Variants in COLQ observed in about 807,000 individuals in gnomAD.
COLQ encodes the protein collagen like tail subunit of asymmetric acetylcholinesterase, also known as acetylcholinesterase collagenic tail peptide.
A neutral mutation model predicts 69.0 loss-of-function variants in COLQ; 48 were observed. That is an observed-to-expected ratio of 0.70 (90% confidence interval 0.55 to 0.88). The LOEUF (loss-of-function observed/expected upper bound fraction) is 0.88. COLQ is among the 40% of genes least tolerant of loss of function. The pLI is 0.00. For missense variants in COLQ, 618 were observed against 594.6 expected (o/e 1.04, Z -0.41); for synonymous variants, 217 against 211.2 (o/e 1.03, Z -0.24).
intron 12 of COLQ, 106 bp from the exon 13 acceptor site, chr3:15,458,431 G>T: frequency 8.0e-7 from 1 of 1,244,220 alleles, no homozygotes; most frequent in Non-Finnish European, 1.2e-6. Context: ...AAAGTCCACA[G>T]CATTTCAGGG....
chr3:15,470,394 C>T (rs2062260782), intron 11 of COLQ, 142 bp downstream of exon 11: 1 of 776,976 alleles, frequency 1.3e-6, no homozygotes, highest in South Asian at 1.4e-5. Flanking sequence ...GGAAGTGGTG[C>T]TGCTCCCGTC....
chr3:15,467,889 T>C, intron 11 of COLQ: 1 of 456,762 alleles, frequency 2.2e-6, no homozygotes, highest in Admixed American at 2.3e-5. Context: ...GTCTTGGTAA[T>C]GTGCAAGGAG....
chr3:15,462,021 A>G (rs60750813), intron 12 of COLQ, among the ~76,000 whole-genome samples: 65,730 of 150,506 alleles, frequency 0.44, 14,610 homozygotes, highest in East Asian at 0.61. Flanking sequence ...TTATTTATTT[A>G]TTTATTTATT....
At chr3:15,477,363 G>T in intron 5 of COLQ, 166 bp from the exon 6 acceptor site, 1 of 648,110 alleles carries the variant, frequency 1.5e-6, no homozygotes. Context: ...AGCCCTTGGT[G>T]TCACACTGTA....
intron 1 of COLQ, among the ~76,000 whole-genome samples, chr3:15,513,279 G>A (rs182055855): frequency 9.2e-5 from 14 of 152,304 alleles, no homozygotes; most frequent in African/African-American, 2.9e-4. Context: ...CTGTGTAAGG[G>A]CCAGCAGGAC....
chr3:15,450,689 T>C lies in COLQ; in HGVS notation c.*955A>G, dbSNP rs964814628. 7.9e-5 allele frequency: 12 copies of C among 152,494 alleles called. No homozygotes were observed. The highest frequency in any genetic ancestry group is 6.5e-4 in the Admixed American group (10 of 15,270). The allele number at this position is 152,494 out of a possible 1,614,324, so 9.4% of individuals were successfully genotyped here. A position where few individuals can be genotyped will look rare whatever the true frequency, so the allele number is the denominator to read the frequency against. ...AGCAGGAGGCAAAGAGGTAGAGCTC[T>C]GGCCAGGAACGCTCTGCCTAGAGAG... On this transcript the variant is annotated 3_prime_UTR_variant, in exon 17 of 17. Transcript: ENST00000383788.
At chr3:15,489,834 T>C (rs1324689088) in intron 1 of COLQ, among the ~76,000 whole-genome samples, 197 bp from the exon 2 acceptor site, 1 of 152,220 alleles carries the variant, frequency 6.6e-6, no homozygotes, top group Non-Finnish European at 1.5e-5. Flanking sequence ...TAGATTAAGA[T>C]GGTTCATAAA....
intron 5 of COLQ, chr3:15,477,692 C>G (rs1225237771): frequency 1.8e-5 from 3 of 162,632 alleles, no homozygotes; most frequent in African/African-American, 2.4e-5. Flanking sequence ...ATTGGAGCTG[C>G]CCAGTAATTT....
In COLQ at chr3:15,453,907, T is replaced by C. The variant is rs752498913; in HGVS notation, c.1220A>G (p.Asp407Gly). 1 of 1,610,548 alleles carries C rather than the reference T, an allele frequency of 6.2e-7. No homozygotes were observed. Among genetic ancestry groups the C allele is most frequent in the African/African-American group, 1.3e-5 (1 of 74,828 alleles). ...CTCCACACCCTCATGCCGGTGACCA[T>C]CTCCACAGTAGGCACGGTGACAGCC... Reference protein sequence around the residue: ...CIRCHRAYCGDGHRHEGVEDC... With the variant: ...CIRCHRAYCGGGHRHEGVEDC... Residue 407 changes from aspartate (D) to glycine (G), a missense_variant, in exon 16 of 17, where the codon GAT becomes GGT. Transcript: ENST00000383788.
chr3:15,467,924 C>T (rs564235308), intron 11 of COLQ: 37 of 456,718 alleles, frequency 8.1e-5, no homozygotes, highest in South Asian at 2.6e-4. Context: ...ATATGGGATC[C>T]GTGAGGTCAG....
intron 8 of COLQ, 101 bp from the exon 9 acceptor site, chr3:15,474,373 A>T: frequency 1.6e-6 from 2 of 1,213,512 alleles, no homozygotes; most frequent in Admixed American, 3.4e-5. Flanking sequence ...CCCTCATTTT[A>T]CAAGTGAAGA....
rs182865456 is a variant in COLQ at position 15,498,651 on chromosome 3, C to T, written c.107-9014G>A. On this transcript the variant is annotated intron_variant, in intron 1 of 16. Coordinates refer to ENST00000383788, the MANE Select transcript of COLQ (RefSeq NM_005677.4). ...TAGCCGGAGACAGGCTGAGATTCGT[C>T]ACGCCTCTGAGTGCTCCCAGTGCCT... 1,722 of 1,551,046 alleles carry T rather than the reference C, an allele frequency of 1.1e-3. 2 individuals are homozygous for T. Among genetic ancestry groups the T allele is most frequent in the Middle Eastern group, 1.9e-3 (11 of 5,876 alleles).
At chr3:15,471,250 T>A (rs1484016185) in intron 10 of COLQ, among the ~76,000 whole-genome samples, 3 of 152,202 alleles carry the variant, frequency 2.0e-5, no homozygotes, top group Non-Finnish European at 4.4e-5. Context: ...TATGTTCACA[T>A]CTTCAATATA....
intron 16 of COLQ, 47 bp from the exon 17 acceptor site, chr3:15,451,760 G>A: frequency 6.6e-7 from 1 of 1,514,466 alleles, no homozygotes; most frequent in Non-Finnish European, 9.2e-7. Context: ...CTTATATGCT[G>A]GTGACTTCCG....
At chr3:15,465,099 G>A (rs187576243) in intron 12 of COLQ, among the ~76,000 whole-genome samples, 8 of 151,992 alleles carry the variant, frequency 5.3e-5, no homozygotes, top group African/African-American at 1.9e-4. Context: ...ACTTGAACCC[G>A]GGAGGTGGAG....
At chr3:15,511,615 C>T (rs1006809525) in intron 1 of COLQ, among the ~76,000 whole-genome samples, 1 of 152,202 alleles carries the variant, frequency 6.6e-6, no homozygotes, top group East Asian at 1.9e-4. Flanking sequence ...GTGTTTTCCA[C>T]CATGATGGTT....
intron 5 of COLQ, chr3:15,478,735 G>C: frequency 1.6e-6 from 1 of 607,926 alleles, no homozygotes; most frequent in Non-Finnish European, 3.0e-6. Flanking sequence ...AATTTGGCCA[G>C]GCTTGGCAGC....
At chr3:15,493,821 C>T (rs547946034) in intron 1 of COLQ, among the ~76,000 whole-genome samples, 1 of 152,338 alleles carries the variant, frequency 6.6e-6, no homozygotes, top group South Asian at 2.1e-4. Flanking sequence ...TGGTGGCTCA[C>T]GCCTGTAATC....
intron 12 of COLQ, among the ~76,000 whole-genome samples, chr3:15,464,594 T>C (rs1222214218): frequency 6.6e-6 from 1 of 152,210 alleles, no homozygotes; most frequent in Non-Finnish European, 1.5e-5. Context: ...TCTAACAAAA[T>C]ATGACATTTC....
Sources: gnomAD v4.1 joint callset for allele counts (sites outside exome capture counted in the v4.1 genomes callset) on GRCh38, gnomAD v4.1.1 for gene constraint, MANE v1.5 for transcripts, NCBI Gene and HGNC (gene_info 2026-07-23, HGNC 2026-07-21) for gene names.